RNFT2: variants seen among roughly 807,000 people sequenced by gnomAD.
RNFT2 encodes the protein E3 ubiquitin-protein ligase RNFT2.
In RNFT2, 36 loss-of-function variants were observed where a neutral mutation model predicts 53.0. The ratio of observed to expected loss-of-function variants is 0.68; its 90% confidence interval spans 0.52 to 0.90. The LOEUF (loss-of-function observed/expected upper bound fraction) is 0.90, where lower values mean the gene tolerates loss of function less well. Among genes scored for constraint, RNFT2 ranks in the 40% least tolerant of loss-of-function variants. The pLI, the probability that RNFT2 is intolerant of heterozygous loss-of-function variation, is 0.00. For synonymous variants in RNFT2, 260 were observed against 253.2 expected (o/e 1.03, Z -0.26); for missense variants, 514 against 585.6 (o/e 0.88, Z 1.26).
intron 7 of RNFT2, among the ~76,000 whole-genome samples, chr12:116,811,670 C>G (rs528238703): frequency 1.3e-5 from 2 of 152,308 alleles, no homozygotes; most frequent in African/African-American, 4.8e-5. Flanking sequence ...GCCAACGCAC[C>G]CGGCATGCGT....
chr12:116,768,451 C>T (rs1239595687), intron 6 of RNFT2, among the ~76,000 whole-genome samples: 1 of 152,118 alleles, frequency 6.6e-6, no homozygotes, highest in East Asian at 1.9e-4. Context: ...ATGTTTCTGT[C>T]AACGATGGAC....
intron 4 of RNFT2, among the ~76,000 whole-genome samples, chr12:116,751,779 A>T (rs1481854418): frequency 6.6e-6 from 1 of 151,252 alleles, no homozygotes; most frequent in Non-Finnish European, 1.5e-5. Flanking sequence ...TTTGTTTTTG[A>T]GATGGAGTCT....
intron 7 of RNFT2, among the ~76,000 whole-genome samples, chr12:116,799,958 G>C: frequency 6.6e-6 from 1 of 152,086 alleles, no homozygotes; most frequent in East Asian, 1.9e-4. Flanking sequence ...TGAATGGCGT[G>C]GTACCCTCCC....
intron 3 of RNFT2, among the ~76,000 whole-genome samples, chr12:116,742,557 A>G (rs1384690204): frequency 1.3e-5 from 2 of 152,244 alleles, no homozygotes; most frequent in Middle Eastern, 6.8e-3. Context: ...TATAAGCGCA[A>G]GCCACCACGC....
chr12:116,753,877 C>A, intron 4 of RNFT2, 107 bp from the exon 5 acceptor site: 1 of 775,618 alleles, frequency 1.3e-6, no homozygotes, highest in South Asian at 1.5e-5. Flanking sequence ...TCTCTTCTGT[C>A]AACTCTGAGG....
At chr12:116,766,661 G>A (rs547227182) in intron 5 of RNFT2, among the ~76,000 whole-genome samples, 153 bp from the exon 6 acceptor site, 4 of 152,290 alleles carry the variant, frequency 2.6e-5, no homozygotes, top group African/African-American at 9.6e-5. Flanking sequence ...GGGTATCAGT[G>A]GAATAGAAAG....
At chr12:116,744,723 C>T (rs1421345728) in intron 3 of RNFT2, among the ~76,000 whole-genome samples, 2 of 152,194 alleles carry the variant, frequency 1.3e-5, no homozygotes, top group Non-Finnish European at 2.9e-5. Flanking sequence ...CTTTCCCAGT[C>T]AGGCTGAAAT....
chr12:116,822,218 G>A (rs1308540481), intron 7 of RNFT2, among the ~76,000 whole-genome samples: 2 of 152,022 alleles, frequency 1.3e-5, no homozygotes, highest in Non-Finnish European at 2.9e-5. Flanking sequence ...TGCCCCCATG[G>A]TTGTGACCAG....
intron 7 of RNFT2, 114 bp downstream of exon 7, chr12:116,779,462 A>C (rs1407133128): frequency 4.5e-6 from 5 of 1,120,758 alleles, no homozygotes; most frequent in Non-Finnish European, 6.4e-6. Context: ...TCAGCATATA[A>C]AATAAACAGA....
Position 116,740,617 on chromosome 12 carries a change from T to C in RNFT2, c.24+96T>C, listed in dbSNP as rs1871560403. 5.5e-6 allele frequency: 6 copies of C among 1,097,912 alleles called. No individual in the cohort carries two copies. The Admixed American group carries it at 9.9e-5, about 18-fold the overall frequency. 68.0% of individuals were successfully genotyped at this position (1,097,912 alleles called of 1,614,324 possible). The stretch of plus-strand genomic sequence containing the variant: ...TGGTTTGACCACTCCACCCCTCCCA[T>C]GTAACACATGGGGAATCTGAACCCA... On this transcript the variant is annotated intron_variant, in intron 2 of 10. Transcript: ENST00000257575.
rs146141733 is a variant in RNFT2, at chr12:116,777,647, G to C, written c.729-1548G>C. Reference sequence around the variant, plus strand: ...CCTCAGTTTCCTCATCTGCAAAATGGGGTGGATAAAAGTACCTGCCTCATA... The same window carrying C: ...CCTCAGTTTCCTCATCTGCAAAATGCGGTGGATAAAAGTACCTGCCTCATA... On this transcript the variant is annotated intron_variant, in intron 6 of 10. Coordinates refer to ENST00000257575, the MANE Select transcript of RNFT2 (RefSeq NM_001382266.1). Among the ~76,000 whole-genome samples the C allele has an allele frequency of 8.2e-3, 1,250 of 152,250 alleles. 9 individuals carry two copies. Among genetic ancestry groups the C allele is most frequent in the Non-Finnish European group, 0.011 (766 of 68,020 alleles).
At chr12:116,818,854 TG>T (rs1875833690) in intron 7 of RNFT2, among the ~76,000 whole-genome samples, 1 of 152,224 alleles carries the variant, frequency 6.6e-6, no homozygotes, top group Admixed American at 6.5e-5. Context: ...GACCCAGCAT[TG>T]CGGGGGCACG....
rs1878000749 is a variant in RNFT2 at position 116,853,036 on chromosome 12, G to A, written c.*3588G>A. On this transcript the variant is annotated 3_prime_UTR_variant, in exon 11 of 11. Coordinates refer to ENST00000257575, the MANE Select transcript of RNFT2 (RefSeq NM_001382266.1). ...GATGGTTTAGTTTAGGATTTTATTAGTGCATGCCCTACCCTCTGGGGGAAC... is the reference window on the plus strand; with the variant it reads ...GATGGTTTAGTTTAGGATTTTATTAATGCATGCCCTACCCTCTGGGGGAAC... 2.2e-6 allele frequency: 1 copy of A among 454,596 alleles called. No individual in the cohort carries two copies. Among genetic ancestry groups the A allele is most frequent in the Non-Finnish European group, 3.8e-6 (1 of 260,812 alleles). The allele number at this position is 454,596 out of a possible 1,614,324, so 28.2% of individuals were successfully genotyped here.
At chr12:116,755,199 A>G (rs1242872623) in intron 5 of RNFT2, among the ~76,000 whole-genome samples, 3 of 152,162 alleles carry the variant, frequency 2.0e-5, no homozygotes, top group Admixed American at 1.3e-4. Context: ...TCACTCTCCT[A>G]CATGTGGCTA....
chr12:116,783,120 C>T (rs1248390301), intron 7 of RNFT2, among the ~76,000 whole-genome samples: 3 of 152,146 alleles, frequency 2.0e-5, no homozygotes, highest in South Asian at 2.1e-4. Flanking sequence ...TGCTACCACC[C>T]GGTAGGAGAT....
chr12:116,765,793 T>C (rs1005552728), intron 5 of RNFT2, among the ~76,000 whole-genome samples: 2 of 152,126 alleles, frequency 1.3e-5, no homozygotes, highest in South Asian at 2.1e-4. Flanking sequence ...GTATATAAGC[T>C]TGGATTTAAT....
At chr12:116,822,194 G>C (rs969343050) in intron 7 of RNFT2, among the ~76,000 whole-genome samples, 2 of 151,962 alleles carry the variant, frequency 1.3e-5, no homozygotes, top group African/African-American at 2.4e-5. Flanking sequence ...TGATGACACC[G>C]TCAGTCACAG....
chr12:116,769,780 C>T (rs1162441368), intron 6 of RNFT2, among the ~76,000 whole-genome samples: 1 of 151,956 alleles, frequency 6.6e-6, no homozygotes, highest in African/African-American at 2.4e-5. Flanking sequence ...GCCTGTAATC[C>T]CAGCACTTTG....
At chr12:116,801,154 T>C (rs1015421528) in intron 7 of RNFT2, 9 of 152,340 alleles carry the variant, frequency 5.9e-5, no homozygotes, top group Admixed American at 5.2e-4. Flanking sequence ...CACCCAGCAG[T>C]GAGCAGCAAA....
Sources: allele counts gnomAD v4.1 joint callset (sites outside exome capture counted in the v4.1 genomes callset), GRCh38; gene constraint gnomAD v4.1.1; transcripts MANE v1.5; gene names NCBI Gene and HGNC (gene_info 2026-07-23, HGNC 2026-07-21).